The following ADAMTS20 variants were observed in gnomAD, a reference collection of about 807,000 sequenced individuals.
ADAMTS20 encodes the protein ADAM metallopeptidase with thrombospondin type 1 motif 20.
Under a neutral mutation model 260.1 loss-of-function variants are expected in ADAMTS20, and 225 were observed. The ratio of observed to expected loss-of-function variants is 0.87; its 90% CI spans 0.78 to 0.97. The LOEUF is 0.97. ADAMTS20 is among the 50% of genes least tolerant of loss of function. The pLI, the probability that ADAMTS20 is intolerant of heterozygous loss-of-function variation, is 0.00. For missense variants in ADAMTS20, 2,400 were observed against 2,337.7 expected (o/e 1.03, Z -0.55); for synonymous variants, 802 against 769.5 (o/e 1.04, Z -0.70).
chr12:43,473,965 G>A (rs1442561313), intron 7 of ADAMTS20, among the ~76,000 whole-genome samples: 1,750 of 130,836 alleles, frequency 0.013, 37 homozygotes, highest in African/African-American at 0.047. Flanking sequence ...AAAGCTAGCA[G>A]AAGGCAAGAA....
At chr12:43,445,907 A>C (rs1199511133) in intron 15 of ADAMTS20, among the ~76,000 whole-genome samples, 1 of 152,186 alleles carries the variant, frequency 6.6e-6, no homozygotes, top group Non-Finnish European at 1.5e-5. Flanking sequence ...TTGCAAAGAA[A>C]GTTTTAAAGA....
chr12:43,493,043 C>G, intron 5 of ADAMTS20, 127 bp downstream of exon 5: 1 of 693,976 alleles, frequency 1.4e-6, no homozygotes, highest in Admixed American at 3.0e-5. Context: ...TAATCTCATT[C>G]CTTCTCAAAT....
intron 18 of ADAMTS20, 94 bp from the exon 19 acceptor site, chr12:43,434,465 C>A: frequency 7.6e-7 from 1 of 1,319,548 alleles, no homozygotes; most frequent in Non-Finnish European, 1.0e-6. Flanking sequence ...TTAAAGGAGC[C>A]AGCTAAGCAA....
intron 14 of ADAMTS20, 106 bp from the exon 15 acceptor site, chr12:43,446,818 G>A: frequency 1.1e-6 from 1 of 871,092 alleles, no homozygotes. Flanking sequence ...ATTTACCACT[G>A]ACCCCACAGA....
chr12:43,368,496 T>C (rs1940035576), intron 37 of ADAMTS20, among the ~76,000 whole-genome samples: 1 of 152,120 alleles, frequency 6.6e-6, no homozygotes, highest in African/African-American at 2.4e-5. Context: ...AAGCGTAACT[T>C]AGATGTCATA....
intron 7 of ADAMTS20, among the ~76,000 whole-genome samples, chr12:43,476,052 C>A (rs913453897): frequency 5.7e-5 from 7 of 122,330 alleles, no homozygotes; most frequent in African/African-American, 2.2e-4. Flanking sequence ...TCAGAGTGAA[C>A]AGGCAACCTA....
chr12:43,416,744 G>C (rs951488083), intron 28 of ADAMTS20, among the ~76,000 whole-genome samples: 2 of 151,678 alleles, frequency 1.3e-5, no homozygotes, highest in African/African-American at 2.4e-5. Context: ...GGATGGTCTC[G>C]ATCTCCTGAC....
rs1245897061 is a variant in ADAMTS20 at position 43,502,266 on chromosome 12, T to A, written c.753A>T (p.Lys251Asn). 1 of 1,612,176 alleles carries A rather than the reference T, an allele frequency of 6.2e-7. No homozygotes were observed. The highest frequency in any genetic ancestry group is 1.3e-5 in the African/African-American group (1 of 74,776). The change falls in exon 4 of 39, where the codon AAA becomes AAT. Residue 251 changes from lysine to asparagine, a missense_variant. Lys to Asn is a moderately conservative substitution (Grantham distance 94). Transcript: ENST00000389420. ...PLKDERRHSRKKRLISYPRYI... is the reference protein window; with the variant it reads ...PLKDERRHSRNKRLISYPRYI... ...ATCTTGGATATGATATAAGACGTTT[T>A]TTCCTGGAATGTCTTCTTTCATCTT...
At chr12:43,493,681 A>G (rs1369529019) in intron 4 of ADAMTS20, among the ~76,000 whole-genome samples, 1 of 152,230 alleles carries the variant, frequency 6.6e-6, no homozygotes, top group Non-Finnish European at 1.5e-5. Context: ...AATTCACTTC[A>G]TTCTGTGGCA....
At chr12:43,454,422 C>G (rs1941927959) in intron 11 of ADAMTS20, among the ~76,000 whole-genome samples, 2 of 152,266 alleles carry the variant, frequency 1.3e-5, no homozygotes, top group Admixed American at 1.3e-4. Flanking sequence ...CACTCTTCCA[C>G]TCTTATAAAA....
intron 35 of ADAMTS20, 56 bp from the exon 36 acceptor site, chr12:43,375,568 G>C: frequency 1.3e-6 from 2 of 1,579,284 alleles, no homozygotes; most frequent in Non-Finnish European, 1.7e-6. Flanking sequence ...CCATAATGTA[G>C]ACAAACTTTG....
chr12:43,423,691 T>C, intron 28 of ADAMTS20: 1 of 699,796 alleles, frequency 1.4e-6, no homozygotes, highest in Non-Finnish European at 2.6e-6. Flanking sequence ...TAAAAATATC[T>C]TTTTATAGTG....
intron 16 of ADAMTS20, among the ~76,000 whole-genome samples, chr12:43,441,963 G>C (rs1374164859): frequency 5.9e-5 from 9 of 152,104 alleles, no homozygotes; most frequent in Non-Finnish European, 1.2e-4. Context: ...TCTATATTTA[G>C]TCTATGACAT....
chr12:43,531,836 G>C (rs943222625), intron 3 of ADAMTS20, among the ~76,000 whole-genome samples, 200 bp downstream of exon 3: 6 of 152,086 alleles, frequency 3.9e-5, no homozygotes, highest in African/African-American at 1.4e-4. Flanking sequence ...TAATTAGTTT[G>C]ATTAAGCCAT....
chr12:43,494,893 CAA>C (rs1355895735), intron 4 of ADAMTS20, among the ~76,000 whole-genome samples: 1 of 152,102 alleles, frequency 6.6e-6, no homozygotes, highest in Non-Finnish European at 1.5e-5. Context: ...AGACAAACCT[CAA>C]AGGTATTTAT....
intron 11 of ADAMTS20, among the ~76,000 whole-genome samples, chr12:43,457,433 T>G (rs1941984415): frequency 6.6e-6 from 1 of 152,184 alleles, no homozygotes; most frequent in African/African-American, 2.4e-5. Flanking sequence ...TCTTTACTAT[T>G]AAGAGTTACT....
At chr12:43,438,267 C>T (rs1941594910) in intron 18 of ADAMTS20, among the ~76,000 whole-genome samples, 1 of 152,048 alleles carries the variant, frequency 6.6e-6, no homozygotes, top group African/African-American at 2.4e-5. Context: ...CTTCATTCTC[C>T]TGTTTCTGAA....
chr12:43,489,354 C>T (rs966177768), intron 7 of ADAMTS20, among the ~76,000 whole-genome samples: 1 of 148,250 alleles, frequency 6.7e-6, no homozygotes, highest in Non-Finnish European at 1.5e-5. Flanking sequence ...TATGTATAAA[C>T]CACAAAGGAT....
chr12:43,515,352 TTTG>T (rs1467803685), intron 3 of ADAMTS20, among the ~76,000 whole-genome samples: 1 of 152,190 alleles, frequency 6.6e-6, no homozygotes, highest in Non-Finnish European at 1.5e-5. Flanking sequence ...AGCTTTTCCT[TTTG>T]TTATTAACTC....
Sources: gnomAD v4.1 joint callset for allele counts (sites outside exome capture counted in the v4.1 genomes callset) on GRCh38, gnomAD v4.1.1 for gene constraint, MANE v1.5 for transcripts, NCBI Gene and HGNC (gene_info 2026-07-23, HGNC 2026-07-21) for gene names.